The following MCTP2 variants were observed in gnomAD, a reference collection of about 807,000 sequenced individuals.
MCTP2 encodes the protein multiple C2 and transmembrane domain containing 2, also known as multiple C2 and transmembrane domain-containing protein 2.
MCTP2 carries 132 observed loss-of-function variants against 111.6 expected under a neutral mutation model. That is an observed-to-expected ratio of 1.18 (90% confidence interval 1.03 to 1.37). The LOEUF is 1.37. MCTP2 is among the 40% of genes most tolerant of loss of function. The pLI, the probability that MCTP2 is intolerant of heterozygous loss-of-function variation, is 0.00. For synonymous variants in MCTP2, 395 were observed against 387.7 expected (o/e 1.02, Z -0.22); for missense variants, 1,183 against 1,067.9 (o/e 1.11, Z -1.50).
rs185622338 is a variant in MCTP2, at chr15:94,426,365, A to C, written c.2086-13811A>C. Among the ~76,000 whole-genome samples, 26 of 152,092 alleles carry C rather than the reference A, an allele frequency of 1.7e-4. No homozygotes were observed. The East Asian group carries it at 5.0e-3, about 29-fold the overall frequency. On this transcript the variant is annotated intron_variant, in intron 17 of 22. Coordinates refer to ENST00000357742, the MANE Select transcript of MCTP2 (RefSeq NM_001385001.1). ...CCTTTCTCAGTGTGCCATACTTCTT[A>C]TTATTCTATTTCTAGTTTTACCATA...
At chr15:94,300,332 AC>A (rs527377552) in intron 2 of MCTP2, among the ~76,000 whole-genome samples, 37 of 151,996 alleles carry the variant, frequency 2.4e-4, no homozygotes, top group African/African-American at 7.2e-4. Context: ...ACACGGTGAA[AC>A]CCCATCTCTA....
intron 17 of MCTP2, chr15:94,402,345 A>G: frequency 6.9e-7 from 1 of 1,447,826 alleles, no homozygotes; most frequent in Middle Eastern, 1.9e-4. Flanking sequence ...ATGGCATCTG[A>G]AAAATCACAG....
At chr15:94,345,036 A>G (rs2077891841) in intron 7 of MCTP2, 93 bp from the exon 8 acceptor site, 1 of 1,390,270 alleles carries the variant, frequency 7.2e-7, no homozygotes, top group African/African-American at 1.4e-5. Flanking sequence ...TGTAACCTGG[A>G]CCATCTAACA....
chr15:94,399,736 G>C (rs2081463427), intron 15 of MCTP2, 185 bp from the exon 16 acceptor site: 1 of 579,170 alleles, frequency 1.7e-6, no homozygotes, highest in Non-Finnish European at 3.1e-6. Context: ...CCATGCCAGG[G>C]ACTCTTATCA....
intron 21 of MCTP2, among the ~76,000 whole-genome samples, chr15:94,475,410 G>C (rs2074270630): frequency 6.6e-6 from 1 of 152,194 alleles, no homozygotes; most frequent in Non-Finnish European, 1.5e-5. Flanking sequence ...GGTTGGCATT[G>C]TGTCAGGTAT....
At chr15:94,417,867 G>A (rs977451110) in intron 17 of MCTP2, among the ~76,000 whole-genome samples, 2 of 152,066 alleles carry the variant, frequency 1.3e-5, no homozygotes, top group African/African-American at 2.4e-5. Context: ...CTGAATTCGG[G>A]TACCTTAGTC....
At chr15:94,475,386 A>G (rs2074268686) in intron 21 of MCTP2, among the ~76,000 whole-genome samples, 1 of 152,174 alleles carries the variant, frequency 6.6e-6, no homozygotes, top group African/African-American at 2.4e-5. Context: ...TGACCCTCCA[A>G]AGAAATAACT....
intron 1 of MCTP2, among the ~76,000 whole-genome samples, chr15:94,246,716 A>C (rs1019877833): frequency 6.6e-6 from 1 of 152,236 alleles, no homozygotes; most frequent in Non-Finnish European, 1.5e-5. Context: ...CTGAGAAATG[A>C]TAGAAAACTA....
intron 1 of MCTP2, among the ~76,000 whole-genome samples, chr15:94,279,014 C>G (rs62017638): frequency 0.16 from 24,220 of 152,164 alleles, 2,382 homozygotes; most frequent in South Asian, 0.23. Context: ...GTTACAGTTG[C>G]TATAGCCTTG....
At position 94,243,219 on chromosome 15, in the gene MCTP2, A is replaced by G. The variant is rs2071200000; in HGVS notation, c.-66+11555A>G. ...TACGTATGCGTATATACGTATATACATACGTATGCGTACATACACATGCGT... is the reference window on the plus strand; with the variant it reads ...TACGTATGCGTATATACGTATATACGTACGTATGCGTACATACACATGCGT... On this transcript the variant is annotated intron_variant, in intron 1 of 22. Coordinates refer to ENST00000357742, the MANE Select transcript of MCTP2 (RefSeq NM_001385001.1). Among the ~76,000 whole-genome samples, 3 of 149,150 alleles carry G rather than the reference A, an allele frequency of 2.0e-5. No homozygotes were observed. The South Asian group carries it at 6.3e-4, about 31-fold the overall frequency.
At chr15:94,476,252 A>C (rs1042446629) in intron 21 of MCTP2, 2 of 154,156 alleles carry the variant, frequency 1.3e-5, no homozygotes, top group African/African-American at 4.8e-5. Flanking sequence ...TGTTTGGGCT[A>C]ATGAAGGCCT....
intron 14 of MCTP2, among the ~76,000 whole-genome samples, chr15:94,395,920 A>G (rs1432734847): frequency 3.3e-5 from 5 of 152,136 alleles, no homozygotes; most frequent in Non-Finnish European, 7.4e-5. Context: ...AAGCTTTGTG[A>G]TATATTTCTG....
At chr15:94,335,285 TA>T (rs146709906) in intron 4 of MCTP2, among the ~76,000 whole-genome samples, 1 of 149,154 alleles carries the variant, frequency 6.7e-6, no homozygotes, top group Admixed American at 6.8e-5. Flanking sequence ...TTAAGTGGTG[TA>T]AAAAAAGAAA....
intron 20 of MCTP2, among the ~76,000 whole-genome samples, chr15:94,464,245 T>TATATATATATAATATATATATATATATA (rs1265916692): frequency 1.8e-5 from 1 of 56,686 alleles, no homozygotes; most frequent in African/African-American, 6.5e-5. Context: ...ATATAATATA[T>TATATATATATAATATATATATATATATA]ATATATATAT....
intron 4 of MCTP2, among the ~76,000 whole-genome samples, chr15:94,317,607 T>C (rs1010647887): frequency 1.3e-4 from 20 of 152,162 alleles, no homozygotes; most frequent in African/African-American, 4.8e-4. Flanking sequence ...CCTCCAAGCC[T>C]GGAGCATTCG....
At chr15:94,368,567 A>T (rs903727159) in intron 11 of MCTP2, among the ~76,000 whole-genome samples, 1 of 152,156 alleles carries the variant, frequency 6.6e-6, no homozygotes, top group African/African-American at 2.4e-5. Flanking sequence ...TGTCTCCAGG[A>T]TCCTTCACTG....
At chr15:94,274,389 G>A (rs188049187) in intron 1 of MCTP2, among the ~76,000 whole-genome samples, 2 of 152,092 alleles carry the variant, frequency 1.3e-5, no homozygotes, top group Non-Finnish European at 2.9e-5. Flanking sequence ...AACCCAAAGG[G>A]TATAGGTGTA....
Position 94,384,020 on chromosome 15 carries a change from A to C in MCTP2, c.1583-2A>C, listed in dbSNP as rs756631588. Reference sequence around the variant, plus strand: ...TGACCGATGTGTATGTTATCTTTCCAGGGAAGAGTGACCCATTTTGCTTGT... The same window carrying C: ...TGACCGATGTGTATGTTATCTTTCCCGGGAAGAGTGACCCATTTTGCTTGT... On this transcript the variant is annotated splice_acceptor_variant, in intron 12 of 22. Transcript: ENST00000357742. LOFTEE classifies it high-confidence loss of function. 25 of 1,607,546 alleles carry C rather than the reference A, an allele frequency of 1.6e-5. No homozygotes were observed. Among genetic ancestry groups the C allele is most frequent in the Non-Finnish European group, 2.0e-5 (23 of 1,174,328 alleles).
At position 94,458,146 on chromosome 15, in the gene MCTP2, A is replaced by G; in HGVS notation, c.2260A>G (p.Lys754Glu). The G allele has an allele frequency of 1.2e-6, 2 of 1,600,196 alleles. No individual in the cohort carries two copies. The highest frequency in any genetic ancestry group is 2.2e-5 in the South Asian group (2 of 90,586). Residue 754 changes from lysine (K) to glutamate (E), a missense_variant, in exon 20 of 23, where the codon AAA becomes GAA. By Grantham distance (56) the Lys-to-Glu change is moderately conservative. Transcript: ENST00000357742. ...EEDEDDKESE[K>E]KGLIERIYMV... ...CTTTTATGTTTTCTAGGAATCTGAG[A>G]AAAAGGGGTTGATTGAAAGAATCTA...
Sources: allele counts gnomAD v4.1 joint callset (sites outside exome capture counted in the v4.1 genomes callset), GRCh38; gene constraint gnomAD v4.1.1; transcripts MANE v1.5; gene names NCBI Gene and HGNC (gene_info 2026-07-23, HGNC 2026-07-21).